Variants in CREB3L2 observed in about 807,000 individuals in gnomAD.
The protein encoded by CREB3L2 is cyclic AMP-responsive element-binding protein 3-like protein 2.
Under a neutral mutation model 57.2 loss-of-function variants are expected in CREB3L2, and 23 were observed. The ratio of observed to expected loss-of-function variants is 0.40; its 90% CI spans 0.29 to 0.57. CREB3L2 has a LOEUF of 0.57. CREB3L2 is among the 20% of genes least tolerant of loss of function. The pLI, the probability that CREB3L2 is intolerant of heterozygous loss-of-function variation, is 0.42. For synonymous variants in CREB3L2, 268 were observed against 265.1 expected, an observed-to-expected ratio of 1.01 and a Z score of -0.11; for missense variants, 628 against 634.7, an observed-to-expected ratio of 0.99 and a Z score of 0.11.
At position 137,876,381 on chromosome 7, in the gene CREB3L2, G is replaced by T. The variant is rs1048466132; in HGVS notation, c.*4095C>A. The T allele has an allele frequency of 4.3e-6, 1 of 230,588 alleles. No homozygotes were observed. Among genetic ancestry groups the T allele is most frequent in the South Asian group, 1.8e-4 (1 of 5,482 alleles). 14.3% of individuals were successfully genotyped at this position (230,588 alleles called of 1,614,324 possible). A position where few individuals can be genotyped will look rare whatever the true frequency, so the allele number is the denominator to read the frequency against. On this transcript the variant is annotated 3_prime_UTR_variant, in exon 12 of 12. Transcript: ENST00000330387. ...GTGTGTGTGTGTGTCAGAGAGAGAA[G>T]AAGGGAGAGAGAAGTATAAGCATTT...
intron 1 of CREB3L2, among the ~76,000 whole-genome samples, chr7:137,967,153 G>C (rs1801421386): frequency 6.6e-6 from 1 of 152,224 alleles, no homozygotes. Context: ...CTGTCTGCAA[G>C]TCAGGAAGCG....
chr7:137,913,833 G>A (rs1216249120), intron 3 of CREB3L2, among the ~76,000 whole-genome samples: 2 of 152,286 alleles, frequency 1.3e-5, no homozygotes, highest in Non-Finnish European at 2.9e-5. Context: ...GAATTTAGTT[G>A]TAGAGCGTAA....
At chr7:137,902,259 A>T (rs936520313) in intron 7 of CREB3L2, among the ~76,000 whole-genome samples, 3 of 151,642 alleles carry the variant, frequency 2.0e-5, no homozygotes, top group Non-Finnish European at 4.4e-5. Context: ...ATGAATAGTG[A>T]CAGTACAAAA....
At chr7:137,972,016 G>A in intron 1 of CREB3L2, among the ~76,000 whole-genome samples, 1 of 151,888 alleles carries the variant, frequency 6.6e-6, no homozygotes, top group Admixed American at 6.5e-5. Context: ...ATAGTTATAT[G>A]AATATGTTTT....
At chr7:137,988,196 G>A (rs1020483109) in intron 1 of CREB3L2, among the ~76,000 whole-genome samples, 1 of 152,202 alleles carries the variant, frequency 6.6e-6, no homozygotes, top group African/African-American at 2.4e-5. Context: ...ACAGGCCTGA[G>A]GGCCATGACA....
At chr7:137,985,414 A>T (rs534866869) in intron 1 of CREB3L2, among the ~76,000 whole-genome samples, 1 of 152,166 alleles carries the variant, frequency 6.6e-6, no homozygotes, top group Admixed American at 6.5e-5. Context: ...TATGGACAGC[A>T]TTCCAAAGGT....
At chr7:137,914,561 GCGGAGGTTGCAGTGGGCTGACAT>G (rs1800085674) in intron 3 of CREB3L2, among the ~76,000 whole-genome samples, 1 of 152,170 alleles carries the variant, frequency 6.6e-6, no homozygotes, top group African/African-American at 2.4e-5. Flanking sequence ...AACCCGGGAG[GCGGAGGTTGCAGTGGGCTGACAT>G]CATGCCACTG....
chr7:137,932,203 G>T (rs1800661716), intron 1 of CREB3L2, among the ~76,000 whole-genome samples: 1 of 151,968 alleles, frequency 6.6e-6, no homozygotes, highest in Non-Finnish European at 1.5e-5. Flanking sequence ...CTGTTTCATT[G>T]ATTTAAACAT....
At chr7:137,940,323 A>G (rs1487029047) in intron 1 of CREB3L2, among the ~76,000 whole-genome samples, 2 of 152,136 alleles carry the variant, frequency 1.3e-5, no homozygotes, top group Non-Finnish European at 2.9e-5. Flanking sequence ...AAGCTAAGGT[A>G]TTTACTATTC....
At chr7:137,984,713 G>A (rs1801765248) in intron 1 of CREB3L2, among the ~76,000 whole-genome samples, 1 of 152,162 alleles carries the variant, frequency 6.6e-6, no homozygotes, top group Non-Finnish European at 1.5e-5. Flanking sequence ...AAGCAAACTT[G>A]GGTCGAGTAA....
intron 1 of CREB3L2, among the ~76,000 whole-genome samples, chr7:137,929,071 C>A (rs971746284): frequency 1.3e-5 from 2 of 152,226 alleles, no homozygotes; most frequent in African/African-American, 4.8e-5. Context: ...GGTGGCTTCT[C>A]TCTAGTCTCC....
At position 137,908,417 on chromosome 7, in the gene CREB3L2, A is replaced by G. The variant is rs1221700673; in HGVS notation, c.603T>C (p.His201=). The G allele has an allele frequency of 1.6e-6, 2 of 1,267,038 alleles. No individual in the cohort carries two copies. The highest frequency in any genetic ancestry group is 2.0e-6 in the Non-Finnish European group (2 of 998,398). The allele number at this position is 1,267,038 out of a possible 1,614,324, so 78.5% of individuals were successfully genotyped here. ...GACTGCTCGGAGGGGTGGGCGGCAA[A>G]TGCAGGTGGTCCACTGGGGCTGCAA... is the stretch of plus-strand genomic sequence containing the variant. ...SPKEAPVDHL[H]LPPTPPSSHG... Residue 201 remains histidine (H), a synonymous_variant, in exon 5 of 12, where the codon CAT becomes CAC. Transcript: ENST00000330387.
chr7:137,925,008 A>G (rs1800422071), intron 2 of CREB3L2, among the ~76,000 whole-genome samples: 1 of 152,224 alleles, frequency 6.6e-6, no homozygotes, highest in South Asian at 2.1e-4. Flanking sequence ...ACATTTTTGT[A>G]TACAGTTTTA....
Position 137,876,068 on chromosome 7 carries a change from T to A in CREB3L2, c.*4408A>T, listed in dbSNP as rs1181824919. ...TAATCCTGGCTGGTTGTTTTTTTGA[T>A]GTGATTGCACTCCTGCAAACTGGGA... On this transcript the variant is annotated 3_prime_UTR_variant, in exon 12 of 12. Transcript: ENST00000330387. The A allele has an allele frequency of 4.3e-6, 1 of 231,270 alleles. No homozygotes were observed. Among genetic ancestry groups the A allele is most frequent in the African/African-American group, 2.2e-5 (1 of 45,194 alleles). The allele number at this position is 231,270 out of a possible 1,614,324, so 14.3% of individuals were successfully genotyped here.
At chr7:137,939,104 T>C (rs1800839875) in intron 1 of CREB3L2, among the ~76,000 whole-genome samples, 1 of 152,254 alleles carries the variant, frequency 6.6e-6, no homozygotes, top group African/African-American at 2.4e-5. Flanking sequence ...TAGTAGGGCC[T>C]GTCCTTCCAT....
At chr7:137,935,283 T>A (rs1352972319) in intron 1 of CREB3L2, among the ~76,000 whole-genome samples, 3 of 152,238 alleles carry the variant, frequency 2.0e-5, no homozygotes, top group African/African-American at 7.2e-5. Context: ...TTTAAAAAAC[T>A]AACATAATTA....
chr7:137,878,631 G>C lies in CREB3L2; in HGVS notation c.*1845C>G, dbSNP rs1321490073. The C allele has an allele frequency of 4.3e-6, 1 of 233,890 alleles. No individual in the cohort carries two copies. The highest frequency in any genetic ancestry group is 8.4e-6 in the Non-Finnish European group (1 of 118,690). 14.5% of individuals were successfully genotyped at this position (233,890 alleles called of 1,614,324 possible). ...ACAACAAGAACCCTCCAGACAACAG[G>C]GCTGCCAGGACTACGGGGGCCCGAT... is the stretch of plus-strand genomic sequence containing the variant. On this transcript the variant is annotated 3_prime_UTR_variant, in exon 12 of 12. Transcript: ENST00000330387.
intron 1 of CREB3L2, among the ~76,000 whole-genome samples, chr7:137,946,152 T>C (rs1800969822): frequency 6.6e-6 from 1 of 152,152 alleles, no homozygotes; most frequent in African/African-American, 2.4e-5. Context: ...TGCTGTAACA[T>C]GCTCGGTATA....
chr7:137,901,433 G>A lies in CREB3L2; in HGVS notation c.975-11C>T. On this transcript the variant is annotated splice_polypyrimidine_tract_variant and intron_variant, in intron 7 of 11. Coordinates refer to ENST00000330387, the MANE Select transcript of CREB3L2 (RefSeq NM_194071.4). The stretch of plus-strand genomic sequence containing the variant: ...GAACAAGACTCCACTCTACAAAGGA[G>A]GGAGAAAGAAGAAAATTATTATCCA... 2 of 1,582,280 alleles carry A rather than the reference G, an allele frequency of 1.3e-6. No individual in the cohort carries two copies. Among genetic ancestry groups the A allele is most frequent in the South Asian group, 2.2e-5 (2 of 90,148 alleles).
Sources: allele counts gnomAD v4.1 joint callset (sites outside exome capture counted in the v4.1 genomes callset), GRCh38; gene constraint gnomAD v4.1.1; transcripts MANE v1.5; gene names NCBI Gene and HGNC (gene_info 2026-07-23, HGNC 2026-07-21).